The following SH3RF2 variants were observed in gnomAD, a reference collection of about 807,000 sequenced individuals.
SH3RF2 encodes the protein E3 ubiquitin-protein ligase SH3RF2.
In SH3RF2, 43 loss-of-function variants were observed where a neutral mutation model predicts 59.0. That is an observed-to-expected ratio of 0.73 (90% CI 0.57 to 0.94). SH3RF2 has a LOEUF of 0.94. SH3RF2 is among the 40% of genes least tolerant of loss of function. The pLI is 0.00. For synonymous variants in SH3RF2, 391 were observed against 391.5 expected, an observed-to-expected ratio of 1.00 and a Z score of 0.01; for missense variants, 930 against 940.1, an observed-to-expected ratio of 0.99 and a Z score of 0.14.
intron 5 of SH3RF2, among the ~76,000 whole-genome samples, chr5:146,025,956 C>G (rs1299946575): frequency 6.6e-6 from 1 of 152,212 alleles, no homozygotes; most frequent in African/African-American, 2.4e-5. Flanking sequence ...GCAGCCATTG[C>G]TATTACCTTC....
chr5:145,944,381 C>G (rs1300305096), intron 2 of SH3RF2, among the ~76,000 whole-genome samples: 1 of 147,330 alleles, frequency 6.8e-6, no homozygotes, highest in Non-Finnish European at 1.5e-5. Flanking sequence ...GACAGGGTCT[C>G]ATTCCGTCAC....
At chr5:146,047,179 T>TGTGTGTGTGTGTGTGTGTGTGTGTG in intron 5 of SH3RF2, among the ~76,000 whole-genome samples, 1 of 81,614 alleles carries the variant, frequency 1.2e-5, no homozygotes, top group African/African-American at 4.0e-5. Flanking sequence ...GTGTGTGTGT[T>TGTGTGTGTGTGTGTGTGTGTGTGTG]TCTAGCAATA....
intron 5 of SH3RF2, among the ~76,000 whole-genome samples, chr5:146,034,647 G>C (rs140182963): frequency 3.1e-4 from 47 of 152,300 alleles, no homozygotes; most frequent in African/African-American, 1.1e-3. Context: ...CTCAGCCTCA[G>C]TATGAGGTGT....
At chr5:146,030,073 T>A (rs1250370233) in intron 5 of SH3RF2, among the ~76,000 whole-genome samples, 1 of 152,142 alleles carries the variant, frequency 6.6e-6, no homozygotes, top group Admixed American at 6.5e-5. Context: ...TCACGCTGAG[T>A]ATAGGGCAAC....
At chr5:146,057,966 C>CTCTCTCTCTCTATCTA (rs796279528) in intron 8 of SH3RF2, among the ~76,000 whole-genome samples, 68 of 72,932 alleles carry the variant, frequency 9.3e-4, no homozygotes, top group African/African-American at 2.5e-3. Flanking sequence ...CTCTCTCTCT[C>CTCTCTCTCTCTATCTA]TCTATCTATC....
chr5:146,034,495 C>A (rs1042525424), intron 5 of SH3RF2, among the ~76,000 whole-genome samples: 1 of 152,186 alleles, frequency 6.6e-6, no homozygotes, highest in African/African-American at 2.4e-5. Context: ...CCAGAAGGAG[C>A]TTTAAGTGAT....
intron 2 of SH3RF2, among the ~76,000 whole-genome samples, chr5:145,943,528 C>T (rs1209453265): frequency 6.6e-6 from 1 of 152,186 alleles, no homozygotes; most frequent in African/African-American, 2.4e-5. Flanking sequence ...TTTCTTTTAG[C>T]CTCTGCCTGA....
chr5:146,011,455 A>G (rs1330448960), intron 4 of SH3RF2, among the ~76,000 whole-genome samples: 1 of 152,178 alleles, frequency 6.6e-6, no homozygotes, highest in Non-Finnish European at 1.5e-5. Flanking sequence ...CAATGAATCT[A>G]TAAATTACCT....
At chr5:146,002,535 A>AGGAAGGAG (rs1405378041) in intron 3 of SH3RF2, among the ~76,000 whole-genome samples, 52 of 143,362 alleles carry the variant, frequency 3.6e-4, no homozygotes, top group African/African-American at 1.3e-3. Context: ...GAAGGAAGGA[A>AGGAAGGAG]GGATAACCTA....
At chr5:145,964,454 G>A (rs992748371) in intron 2 of SH3RF2, among the ~76,000 whole-genome samples, 10 of 151,386 alleles carry the variant, frequency 6.6e-5, no homozygotes, top group Admixed American at 5.3e-4. Context: ...TCACAGACGC[G>A]CCCCACCACG....
At chr5:145,966,776 T>C (rs113332525) in intron 2 of SH3RF2, among the ~76,000 whole-genome samples, 11,861 of 152,158 alleles carry the variant, frequency 0.078, 1,564 homozygotes, top group African/African-American at 0.27. Flanking sequence ...AATCCCAGCA[T>C]TTTGGGAGGC....
chr5:146,071,614 G>A (rs1349298054), intron 9 of SH3RF2, among the ~76,000 whole-genome samples: 4 of 152,200 alleles, frequency 2.6e-5, no homozygotes, highest in Non-Finnish European at 5.9e-5. Flanking sequence ...GACCAGCTAT[G>A]TTCCCAGTCC....
In SH3RF2 at chr5:146,000,201, C is replaced by G. The variant is rs755910752; in HGVS notation, c.522C>G (p.Phe174Leu). Residue 174 changes from phenylalanine (F) to leucine (L), a missense_variant, in exon 3 of 10, where the codon TTC (phenylalanine) becomes TTG (leucine). Physicochemically the swap from Phe to Leu is conservative, Grantham distance 22 (BLOSUM62 0). Coordinates refer to ENST00000359120, the MANE Select transcript of SH3RF2 (RefSeq NM_152550.4). ...AAATCAATGGCATCAGCGGGAACTT[C>G]CCAGCCAGCTCCGTGGAAGTCATCA... ...QGEINGISGNFPASSVEVIKQ... is the reference protein window; with the variant it reads ...QGEINGISGNLPASSVEVIKQ... The G allele has an allele frequency of 6.2e-7, 1 of 1,613,574 alleles. No homozygotes were observed. The highest frequency in any genetic ancestry group is 1.1e-5 in the South Asian group (1 of 90,944).
Position 145,937,909 on chromosome 5 carries a change from A to G in SH3RF2, c.-20A>G, listed in dbSNP as rs1164456494. ...TGTGGACGCTGCTCCTCCAGGTGGG[A>G]ACTGGAGTTTTGAAATAAAATGGAT... On this transcript the variant is annotated 5_prime_UTR_variant, in exon 2 of 10. Transcript: ENST00000359120. 6.2e-7 allele frequency: 1 copy of G among 1,601,146 alleles called. No homozygotes were observed. The highest frequency in any genetic ancestry group is 8.5e-7 in the Non-Finnish European group (1 of 1,173,416).
intron 4 of SH3RF2, 122 bp downstream of exon 4, chr5:146,004,275 T>A: frequency 1.5e-6 from 1 of 649,378 alleles, no homozygotes; most frequent in Non-Finnish European, 2.4e-6. Flanking sequence ...CTAAAATCTC[T>A]AAAGAAAAGA....
At chr5:146,036,311 A>G (rs1250107616) in intron 5 of SH3RF2, among the ~76,000 whole-genome samples, 1 of 152,236 alleles carries the variant, frequency 6.6e-6, no homozygotes, top group African/African-American at 2.4e-5. Context: ...TATCAGCTAC[A>G]GAGGCTGAGG....
chr5:146,016,352 GTAGATGGATGGA>G (rs1452220610), intron 5 of SH3RF2, among the ~76,000 whole-genome samples: 2 of 133,020 alleles, frequency 1.5e-5, no homozygotes, highest in Non-Finnish European at 3.3e-5. Context: ...AGGTAGGTAA[GTAGATGGATGGA>G]TGGATGGATG....
At chr5:146,000,798 C>T (rs1171012448) in intron 3 of SH3RF2, among the ~76,000 whole-genome samples, 1 of 152,174 alleles carries the variant, frequency 6.6e-6, no homozygotes, top group Non-Finnish European at 1.5e-5. Flanking sequence ...TCCTTGAAGG[C>T]CCTGGGAATA....
downstream of SH3RF2, among the ~76,000 whole-genome samples, chr5:146,064,776 A>AAAGG (rs1308778177): frequency 4.3e-3 from 106 of 24,838 alleles, 5 homozygotes; most frequent in African/African-American, 0.013. Flanking sequence ...GGAAGGAAGG[A>AAAGG]AAGGAAGGAA....
Sources: gnomAD v4.1 joint callset for allele counts (sites outside exome capture counted in the v4.1 genomes callset) on GRCh38, gnomAD v4.1.1 for gene constraint, MANE v1.5 for transcripts, NCBI Gene and HGNC (gene_info 2026-07-23, HGNC 2026-07-21) for gene names.